The following TRAP1 variants were observed in gnomAD, a reference collection of about 807,000 sequenced individuals.
TRAP1 encodes the protein heat shock protein 75 kDa, mitochondrial.
Under a neutral mutation model 89.1 loss-of-function variants are expected in TRAP1, and 102 were observed. The ratio of observed to expected loss-of-function variants is 1.15; its 90% CI spans 0.98 to 1.35. The LOEUF (loss-of-function observed/expected upper bound fraction) is 1.35, where lower values mean the gene tolerates loss of function less well. Ranked by LOEUF, TRAP1 falls within the 40% of genes most tolerant of loss-of-function variation. The pLI is 0.00. For synonymous variants in TRAP1, 508 were observed against 388.0 expected, an observed-to-expected ratio of 1.31 and a Z score of -3.64; for missense variants, 1,256 against 945.3, an observed-to-expected ratio of 1.33 and a Z score of -4.31.
rs755763348 is a variant in TRAP1 at position 3,658,247 on chromosome 16, G to C, written c.2014-17C>G. On this transcript the variant is annotated splice_polypyrimidine_tract_variant and intron_variant, in intron 17 of 17. Coordinates refer to ENST00000246957, the MANE Select transcript of TRAP1 (RefSeq NM_016292.3). Reference sequence around the variant, plus strand: ...CTCGTATATCTGAAAGGCAAGAGGAGAAACCCATTATGAGGGGCATGGGGC... The same window carrying C: ...CTCGTATATCTGAAAGGCAAGAGGACAAACCCATTATGAGGGGCATGGGGC... 1 of 1,602,240 alleles carries C rather than the reference G, an allele frequency of 6.2e-7. No homozygotes were observed. Among genetic ancestry groups the C allele is most frequent in the Non-Finnish European group, 8.5e-7 (1 of 1,170,942 alleles).
intron 1 of TRAP1, among the ~76,000 whole-genome samples, chr16:3,710,762 GTCT>G (rs1347744388): frequency 1.3e-5 from 2 of 151,702 alleles, no homozygotes; most frequent in Non-Finnish European, 2.9e-5. Flanking sequence ...ACGTCCTTCT[GTCT>G]TCTTCTCAGC....
intron 9 of TRAP1, among the ~76,000 whole-genome samples, chr16:3,673,081 G>T (rs1013803121): frequency 6.7e-6 from 1 of 150,088 alleles, no homozygotes; most frequent in Non-Finnish European, 1.5e-5. Flanking sequence ...AACCTTGCAC[G>T]TACCCCTGAA....
chr16:3,712,196 G>T (rs1389177467), intron 1 of TRAP1, among the ~76,000 whole-genome samples: 1 of 146,006 alleles, frequency 6.8e-6, no homozygotes, highest in African/African-American at 2.5e-5. Flanking sequence ...GGCTGAGGCA[G>T]GAGAACTGCC....
rs57948195 is a variant in TRAP1, at chr16:3,714,591, G to A, written c.88+2830C>T. Among the ~76,000 whole-genome samples the A allele has an allele frequency of 1.2e-3, 183 of 152,276 alleles. No individual in the cohort carries two copies. In the East Asian group the frequency reaches 0.019, roughly 16 times the overall value. ...GGAGAATCACTCGAACCCAGGAGGCGGAGGGTGTGGTGAGCTGAGGTTGCA... is the reference window on the plus strand; with the variant it reads ...GGAGAATCACTCGAACCCAGGAGGCAGAGGGTGTGGTGAGCTGAGGTTGCA... On this transcript the variant is annotated intron_variant, in intron 1 of 17. Transcript: ENST00000246957.
intron 4 of TRAP1, chr16:3,680,172 C>G (rs2051056092): frequency 5.2e-6 from 1 of 192,580 alleles, no homozygotes; most frequent in Non-Finnish European, 1.1e-5. Flanking sequence ...GAGGCAGAGA[C>G]TGCAGTGAAC....
In TRAP1 at chr16:3,672,565, A is replaced by G. The variant is rs904179022; in HGVS notation, c.1165+135T>C. ...CCCGGGGTCTGTAAACGCGACTGAC[A>G]CACAGGCAGCGCAGGCCGACGGCGG... On this transcript the variant is annotated intron_variant, in intron 10 of 17. Transcript: ENST00000246957. 3.0e-5 allele frequency: 41 copies of G among 1,375,308 alleles called. No individual in the cohort carries two copies. The African/African-American group carries it at 5.7e-4, about 19-fold the overall frequency. The allele number at this position is 1,375,308 out of a possible 1,614,324, so 85.2% of individuals were successfully genotyped here.
intron 1 of TRAP1, among the ~76,000 whole-genome samples, chr16:3,693,838 C>A (rs2051249752): frequency 6.6e-6 from 1 of 151,966 alleles, no homozygotes; most frequent in African/African-American, 2.4e-5. Flanking sequence ...GCAAAAAACA[C>A]AAAAACTAGC....
intron 1 of TRAP1, among the ~76,000 whole-genome samples, chr16:3,708,024 A>G (rs2051474517): frequency 1.3e-5 from 2 of 152,136 alleles, no homozygotes. Context: ...ATCTCTAAAA[A>G]AAATGTTTTT....
intron 8 of TRAP1, 79 bp from the exon 9 acceptor site, chr16:3,674,573 GCAGCGCCTGGCC>G: frequency 6.6e-7 from 1 of 1,526,092 alleles, no homozygotes; most frequent in Non-Finnish European, 8.9e-7. Context: ...CTGAGCCAGT[GCAGCGCCTGGCC>G]CTGGACAGGC....
chr16:3,671,566 C>T (rs527245611), intron 11 of TRAP1, among the ~76,000 whole-genome samples, 156 bp downstream of exon 11: 2 of 152,348 alleles, frequency 1.3e-5, no homozygotes, highest in East Asian at 3.9e-4. Flanking sequence ...CAGGCCAGCA[C>T]CTGGAAGGCT....
intron 10 of TRAP1, among the ~76,000 whole-genome samples, chr16:3,672,144 C>T (rs539468710): frequency 1.2e-4 from 18 of 152,142 alleles, no homozygotes; most frequent in South Asian, 1.0e-3. Context: ...GAGACCAGCC[C>T]GGCAATTATG....
At chr16:3,658,986 A>T in intron 16 of TRAP1, 121 bp from the exon 17 acceptor site, 1 of 964,964 alleles carries the variant, frequency 1.0e-6, no homozygotes, top group Non-Finnish European at 1.6e-6. Flanking sequence ...AGTTTTTTAA[A>T]TAAGGTATGT....
At chr16:3,685,030 A>G (rs989883683) in intron 4 of TRAP1, among the ~76,000 whole-genome samples, 1 of 152,218 alleles carries the variant, frequency 6.6e-6, no homozygotes, top group Non-Finnish European at 1.5e-5. Context: ...CCCCTCTGCT[A>G]AAGACCAAGA....
In TRAP1 at chr16:3,704,064, GC is replaced by G. The variant is rs2051406543; in HGVS notation, c.89-13080del. On this transcript the variant is annotated intron_variant, in intron 1 of 17. Transcript: ENST00000246957. ...ACTATTTACAAAAGTTACATTACAG[GC>G]CAGGTGAGGTGCCTCACGCCTGTAA... Among the ~76,000 whole-genome samples, 4 of 151,906 alleles carry G rather than the reference GC, an allele frequency of 2.6e-5. No homozygotes were observed. The South Asian group carries it at 8.3e-4, about 32-fold the overall frequency.
At chr16:3,659,665 G>T (rs533211300) in intron 16 of TRAP1, 1 of 152,106 alleles carries the variant, frequency 6.6e-6, no homozygotes, top group African/African-American at 2.4e-5. Context: ...GAGGACAACT[G>T]GAGTCGGGAA....
chr16:3,691,265 T>C, intron 1 of TRAP1: 1 of 253,748 alleles, frequency 3.9e-6, no homozygotes, highest in African/African-American at 2.2e-5. Flanking sequence ...AGAGGGGGTC[T>C]CGCTCTGTCA....
chr16:3,669,217 C>A (rs555130269), intron 11 of TRAP1, among the ~76,000 whole-genome samples: 4 of 152,308 alleles, frequency 2.6e-5, no homozygotes, highest in African/African-American at 7.2e-5. Context: ...ACCAGTAACC[C>A]ACAGGCGCAC....
intron 11 of TRAP1, among the ~76,000 whole-genome samples, chr16:3,667,037 AGC>A (rs1296884924): frequency 6.6e-6 from 1 of 152,206 alleles, no homozygotes; most frequent in East Asian, 1.9e-4. Context: ...TCAGTCCTTC[AGC>A]CACAGGGCAG....
chr16:3,714,386 C>A lies in TRAP1; in HGVS notation c.88+3035G>T, dbSNP rs562276516. On this transcript the variant is annotated intron_variant, in intron 1 of 17. Transcript: ENST00000246957. ...AGAAATATTCTGAGGGTAGGCCAGG[C>A]GCAGTGGCTCACGCCTGTAATCCCA... 2.0e-5 allele frequency among the ~76,000 whole-genome samples: 3 copies of A among 152,186 alleles called. No homozygotes were observed. In the East Asian group the frequency reaches 5.8e-4, roughly 29 times the overall value.
Sources: allele counts gnomAD v4.1 joint callset (sites outside exome capture counted in the v4.1 genomes callset), GRCh38; gene constraint gnomAD v4.1.1; transcripts MANE v1.5; gene names NCBI Gene and HGNC (gene_info 2026-07-23, HGNC 2026-07-21).